NKAIN2: variants seen among roughly 807,000 people sequenced by gnomAD.
NKAIN2 encodes sodium/potassium transporting ATPase interacting 2.
NKAIN2 carries 14 observed loss-of-function variants against 32.6 expected under a neutral mutation model. The ratio of observed to expected loss-of-function variants is 0.43; its 90% CI spans 0.28 to 0.67. NKAIN2 has a LOEUF of 0.67. NKAIN2 is among the 30% of genes least tolerant of loss of function. The pLI is 0.17. For missense variants in NKAIN2, 198 were observed against 258.3 expected, an observed-to-expected ratio of 0.77 and a Z score of 1.60; for synonymous variants, 80 against 87.2, an observed-to-expected ratio of 0.92 and a Z score of 0.46.
chr6:124,708,743 G>T (rs1775253557), intron 4 of NKAIN2, among the ~76,000 whole-genome samples: 1 of 152,028 alleles, frequency 6.6e-6, no homozygotes, highest in Non-Finnish European at 1.5e-5. Flanking sequence ...TTTGGGCTGA[G>T]ACAATGGGGT....
intron 1 of NKAIN2, among the ~76,000 whole-genome samples, chr6:124,227,643 T>C (rs940305168): frequency 6.6e-6 from 1 of 152,176 alleles, no homozygotes; most frequent in African/African-American, 2.4e-5. Flanking sequence ...GTTTCATTAA[T>C]AGCTGCTTTT....
chr6:124,754,109 T>A (rs185590074), intron 4 of NKAIN2, among the ~76,000 whole-genome samples: 273 of 152,210 alleles, frequency 1.8e-3, no homozygotes, highest in Non-Finnish European at 3.4e-3. Flanking sequence ...CCTGCATTAG[T>A]AGCAGGTTCC....
intron 1 of NKAIN2, among the ~76,000 whole-genome samples, chr6:124,243,511 A>G (rs906379093): frequency 7.4e-5 from 11 of 149,444 alleles, no homozygotes; most frequent in African/African-American, 2.7e-4. Context: ...AAAGGAAAGA[A>G]AAAAAAAAAG....
chr6:124,106,307 GAGA>G (rs1283673040), intron 1 of NKAIN2, among the ~76,000 whole-genome samples: 2 of 152,138 alleles, frequency 1.3e-5, no homozygotes, highest in South Asian at 2.1e-4. Flanking sequence ...AACCTGGAAT[GAGA>G]AGAAGGGTAG....
intron 1 of NKAIN2, among the ~76,000 whole-genome samples, chr6:123,901,390 C>T (rs1240165960): frequency 6.6e-6 from 1 of 152,014 alleles, no homozygotes; most frequent in Non-Finnish European, 1.5e-5. Context: ...TGTCTTAGAG[C>T]CTCAATGGCA....
rs775201095 is a variant in NKAIN2 at position 124,658,316 on chromosome 6, C to T, written c.404C>T (p.Thr135Met). Residue 135 changes from threonine to methionine, a missense_variant, in exon 4 of 7, where the codon ACG becomes ATG. By Grantham distance (81) the Thr-to-Met change is moderately conservative. Coordinates refer to ENST00000368417, the MANE Select transcript of NKAIN2 (RefSeq NM_001040214.3). ...GCCCCAGAAGACCATCGCTACATCA[C>T]GGTCTCAGGGTGTTTGCTGGAGTAC... ...DWAPEDHRYI[T>M]VSGCLLEYQY... 41 of 1,614,000 alleles carry T rather than the reference C, an allele frequency of 2.5e-5. No individual in the cohort carries two copies. Among genetic ancestry groups the T allele is most frequent in the Non-Finnish European group, 3.3e-5 (39 of 1,180,010 alleles).
At chr6:124,009,842 T>C (rs1486381919) in intron 1 of NKAIN2, among the ~76,000 whole-genome samples, 1 of 152,152 alleles carries the variant, frequency 6.6e-6, no homozygotes, top group Non-Finnish European at 1.5e-5. Context: ...CCCATATACA[T>C]ATGAGATTTA....
At chr6:123,910,916 C>A (rs1775147376) in intron 1 of NKAIN2, among the ~76,000 whole-genome samples, 1 of 152,180 alleles carries the variant, frequency 6.6e-6, no homozygotes, top group Middle Eastern at 3.4e-3. Context: ...TGATGTCATG[C>A]AAAATCCGTA....
chr6:124,681,233 C>A (rs950590173), intron 4 of NKAIN2, among the ~76,000 whole-genome samples: 2 of 151,894 alleles, frequency 1.3e-5, no homozygotes, highest in African/African-American at 4.8e-5. Context: ...TAACCTAGGG[C>A]TCTACTTATA....
At chr6:124,212,972 G>A (rs889081464) in intron 1 of NKAIN2, among the ~76,000 whole-genome samples, 1 of 152,078 alleles carries the variant, frequency 6.6e-6, no homozygotes, top group African/African-American at 2.4e-5. Context: ...ACTATTGAAT[G>A]TTTATTTCGT....
intron 1 of NKAIN2, among the ~76,000 whole-genome samples, chr6:124,002,794 C>T (rs1320249048): frequency 6.6e-6 from 1 of 152,150 alleles, no homozygotes; most frequent in Non-Finnish European, 1.5e-5. Flanking sequence ...CAGTATTATA[C>T]TGTACTTGAA....
intron 1 of NKAIN2, among the ~76,000 whole-genome samples, chr6:124,050,112 T>A (rs1429206138): frequency 4.6e-5 from 7 of 151,970 alleles, no homozygotes; most frequent in Admixed American, 4.6e-4. Flanking sequence ...TTAAAACACA[T>A]CCCTCTTGCA....
rs555262403 is a variant in NKAIN2, at chr6:124,659,342, T to G, written c.474+956T>G. Among the ~76,000 whole-genome samples the G allele has an allele frequency of 3.3e-5, 5 of 152,268 alleles. No individual in the cohort carries two copies. In the South Asian group the frequency reaches 1.0e-3, roughly 32 times the overall value. On this transcript the variant is annotated intron_variant, in intron 4 of 6. Coordinates refer to ENST00000368417, the MANE Select transcript of NKAIN2 (RefSeq NM_001040214.3). ...TGGAAATGATATTGACTCACAGTTCTTGGATAACAATAAATAATAGTTTCT... is the reference window on the plus strand; with the variant it reads ...TGGAAATGATATTGACTCACAGTTCGTGGATAACAATAAATAATAGTTTCT...
intron 1 of NKAIN2, among the ~76,000 whole-genome samples, chr6:124,240,636 G>A (rs985622019): frequency 2.0e-5 from 3 of 151,900 alleles, no homozygotes; most frequent in African/African-American, 7.3e-5. Flanking sequence ...CAGAACCAAT[G>A]ACAAAAAGCA....
intron 1 of NKAIN2, among the ~76,000 whole-genome samples, chr6:123,952,537 A>G (rs926934709): frequency 1.3e-5 from 2 of 152,082 alleles, no homozygotes; most frequent in Non-Finnish European, 2.9e-5. Flanking sequence ...TTGTTGTTTT[A>G]TGGTGTCACA....
intron 1 of NKAIN2, among the ~76,000 whole-genome samples, chr6:124,085,502 T>A (rs1374948069): frequency 6.6e-6 from 1 of 151,562 alleles, no homozygotes; most frequent in African/African-American, 2.4e-5. Context: ...TCGGCTCAAA[T>A]CCCAAATCTG....
chr6:123,853,915 G>C (rs916535748), intron 1 of NKAIN2, among the ~76,000 whole-genome samples: 1 of 152,014 alleles, frequency 6.6e-6, no homozygotes, highest in African/African-American at 2.4e-5. Flanking sequence ...TGGGACTACA[G>C]GTGCCCACCA....
At chr6:124,415,155 G>A (rs767399268) in intron 3 of NKAIN2, among the ~76,000 whole-genome samples, 29 of 152,142 alleles carry the variant, frequency 1.9e-4, no homozygotes, top group Admixed American at 9.2e-4. Context: ...CCTGCAGATA[G>A]CATCAGATTC....
chr6:124,494,853 A>G (rs1379696875), intron 3 of NKAIN2, among the ~76,000 whole-genome samples: 1 of 152,094 alleles, frequency 6.6e-6, no homozygotes, highest in African/African-American at 2.4e-5. Flanking sequence ...AAACGAAAGC[A>G]AGCATTAGTG....
Sources: gnomAD v4.1 joint callset for allele counts (sites outside exome capture counted in the v4.1 genomes callset) on GRCh38, gnomAD v4.1.1 for gene constraint, MANE v1.5 for transcripts, NCBI Gene and HGNC (gene_info 2026-07-23, HGNC 2026-07-21) for gene names.